THOC1: variants seen among roughly 807,000 people sequenced by gnomAD.
The protein encoded by THOC1 is THO complex subunit 1, also known as THO complex 1.
In THOC1, 29 loss-of-function variants were observed where a neutral mutation model predicts 97.3. The observed-to-expected ratio is 0.30, with a 90% CI of 0.22 to 0.41. The LOEUF is 0.41. Ranked by LOEUF, THOC1 falls within the 10% of genes least tolerant of loss-of-function variation. THOC1 has a pLI of 1.00. For missense variants in THOC1, 529 were observed against 761.9 expected (o/e 0.69, Z 3.60); for synonymous variants, 255 against 257.0 (o/e 0.99, Z 0.07).
intron 11 of THOC1, chr18:244,985 A>C (rs1326368983): frequency 6.6e-6 from 1 of 152,028 alleles, no homozygotes; most frequent in Non-Finnish European, 1.5e-5. Flanking sequence ...TTTGGTTTCA[A>C]TTATTGTATT....
In THOC1 at chr18:246,426, C is replaced by T; in HGVS notation, c.816G>A (p.Lys272=). ...KYSEEVLAVF[K]SYKLDDTQAS... ...CCTGAGTATCATCTAATTTATAACTCTTAAAAACAGCTAAAACTTCTTCAG... is the reference window on the plus strand; with the variant it reads ...CCTGAGTATCATCTAATTTATAACTTTTAAAAACAGCTAAAACTTCTTCAG... The change falls in exon 11 of 21, where the codon AAG becomes AAA. Residue 272 remains lysine (K), a synonymous_variant. Transcript: ENST00000261600. The T allele has an allele frequency of 6.3e-7, 1 of 1,578,916 alleles. No homozygotes were observed. Among genetic ancestry groups the T allele is most frequent in the South Asian group, 1.1e-5 (1 of 87,776 alleles).
chr18:249,683 C>T (rs1057283595), intron 9 of THOC1, among the ~76,000 whole-genome samples: 6 of 146,776 alleles, frequency 4.1e-5, no homozygotes, highest in East Asian at 1.9e-4. Flanking sequence ...AAAAAAAAGC[C>T]GCAAAAAGAA....
chr18:240,736 A>G (rs1448463070), intron 11 of THOC1, among the ~76,000 whole-genome samples: 2 of 152,178 alleles, frequency 1.3e-5, no homozygotes, highest in South Asian at 4.1e-4. Flanking sequence ...TGGTTTTGGG[A>G]TGATTCAAGT....
intron 11 of THOC1, among the ~76,000 whole-genome samples, chr18:233,415 T>C (rs1911561375): frequency 6.6e-6 from 1 of 152,004 alleles, no homozygotes; most frequent in African/African-American, 2.4e-5. Context: ...GGAGAAACCT[T>C]GTCTCTATTA....
At chr18:223,121 C>G (rs1017980901) in intron 17 of THOC1, among the ~76,000 whole-genome samples, 2 of 152,128 alleles carry the variant, frequency 1.3e-5, no homozygotes, top group Non-Finnish European at 2.9e-5. Context: ...ACTTTTGTGA[C>G]TATTAAAACC....
chr18:260,954 C>A (rs545285869), intron 4 of THOC1: 1 of 152,208 alleles, frequency 6.6e-6, no homozygotes, highest in African/African-American at 2.4e-5. Context: ...TGAATGGTAG[C>A]TTTTAAAAGT....
rs187524729 is a variant in THOC1 at position 242,214 on chromosome 18, C to T, written c.918+4110G>A. On this transcript the variant is annotated intron_variant, in intron 11 of 20. Transcript: ENST00000261600. This position sits in a 1 kb window ranked among gnomAD's most constrained non-coding sequence, Gnocchi z 4.5. Reference sequence around the variant, plus strand: ...TCATCTGGCTGGGCGTGGTGGCTCACGCCTGTAATCCCTGCACTTTGGAAG... The same window carrying T: ...TCATCTGGCTGGGCGTGGTGGCTCATGCCTGTAATCCCTGCACTTTGGAAG... 4.6e-3 allele frequency among the ~76,000 whole-genome samples: 691 copies of T among 151,724 alleles called. 6 individuals are homozygous for T. Among genetic ancestry groups the T allele is most frequent in the Non-Finnish European group, 7.6e-3 (515 of 68,024 alleles).
At chr18:225,183 A>G (rs1041309321) in intron 13 of THOC1, 44 bp from the exon 14 acceptor site, 30 of 1,543,882 alleles carry the variant, frequency 1.9e-5, no homozygotes, top group Non-Finnish European at 2.6e-5. Context: ...AACTTTCTGC[A>G]TCATAGGAGT....
chr18:224,160 T>G lies in THOC1; in HGVS notation c.1228A>C (p.Thr410Pro). 1 of 1,609,812 alleles carries G rather than the reference T, an allele frequency of 6.2e-7. No homozygotes were observed. Among genetic ancestry groups the G allele is most frequent in the Non-Finnish European group, 8.5e-7 (1 of 1,177,776 alleles). The change falls in exon 16 of 21, where the codon ACG (threonine) becomes CCG (proline). Residue 410 changes from threonine to proline, a missense_variant. By Grantham distance (38) the Thr-to-Pro change is conservative. This residue lies in a region of THOC1 where 123 missense variants were observed against 159.0 expected (regional missense o/e 0.77). Transcript: ENST00000261600. ...GCTGTTCTCTTCCGAATTATTCTCG[T>G]AGGTTTGGTATCTGATGTTCTGTCG... ...VKERTSDTKPTRIIRKRTAPE... is the reference protein window; with the variant it reads ...VKERTSDTKPPRIIRKRTAPE...
At chr18:247,554 A>G (rs887848890) in intron 10 of THOC1, among the ~76,000 whole-genome samples, 1 of 152,198 alleles carries the variant, frequency 6.6e-6, no homozygotes, top group African/African-American at 2.4e-5. Flanking sequence ...AGCTAAAATA[A>G]TTTTGTACAA....
chr18:222,547 G>C (rs752935940), intron 17 of THOC1, among the ~76,000 whole-genome samples: 1 of 152,142 alleles, frequency 6.6e-6, no homozygotes, highest in Non-Finnish European at 1.5e-5. Context: ...TGGACATAGG[G>C]AAAGTAAGAA....
chr18:262,408 C>A (rs1428786947), intron 4 of THOC1, among the ~76,000 whole-genome samples: 3 of 152,102 alleles, frequency 2.0e-5, no homozygotes, highest in African/African-American at 7.2e-5. Context: ...GTCACATAAC[C>A]AATTATAGTC....
At chr18:244,085 G>A (rs973780081) in intron 11 of THOC1, among the ~76,000 whole-genome samples, 3 of 151,926 alleles carry the variant, frequency 2.0e-5, no homozygotes, top group Non-Finnish European at 4.4e-5. Flanking sequence ...GGAATATTCA[G>A]TATTCCTTTC....
chr18:251,602 A>G (rs1327474360), intron 9 of THOC1, among the ~76,000 whole-genome samples: 2 of 152,136 alleles, frequency 1.3e-5, no homozygotes, highest in East Asian at 1.9e-4. Flanking sequence ...GCCACGGTCT[A>G]TGTAGAGTTT....
At chr18:222,744 T>TC (rs1181647607) in intron 17 of THOC1, among the ~76,000 whole-genome samples, 5 of 152,288 alleles carry the variant, frequency 3.3e-5, no homozygotes, top group African/African-American at 1.2e-4. Context: ...GTTCTTGAAG[T>TC]CAACTGTTAG....
chr18:259,399 G>T, intron 6 of THOC1, 124 bp from the exon 7 acceptor site: 2 of 812,604 alleles, frequency 2.5e-6, no homozygotes, highest in Non-Finnish European at 3.7e-6. Context: ...TCTTAAATTG[G>T]GGGCCGAAAC....
chr18:228,054 G>A (rs1042300285), intron 11 of THOC1, among the ~76,000 whole-genome samples: 3 of 152,122 alleles, frequency 2.0e-5, no homozygotes, highest in Non-Finnish European at 4.4e-5. Context: ...AATTGGAAAT[G>A]TGAATGGCCG....
intron 5 of THOC1, 111 bp downstream of exon 5, chr18:260,075 C>A: frequency 1.5e-6 from 1 of 663,296 alleles, no homozygotes; most frequent in Non-Finnish European, 2.3e-6. Context: ...TAGGCAGAAA[C>A]TTGTTGGCAT....
intron 11 of THOC1, among the ~76,000 whole-genome samples, chr18:238,451 C>G (rs1320202941): frequency 2.0e-5 from 3 of 152,112 alleles, no homozygotes; most frequent in Admixed American, 1.3e-4. Flanking sequence ...AGGCAATTTC[C>G]CCATTGTGTG....
Sources: gnomAD v4.1 joint callset for allele counts (sites outside exome capture counted in the v4.1 genomes callset) on GRCh38, gnomAD v4.1.1 for gene constraint, gnomAD v4.1.1 regional missense constraint, Gnocchi (gnomAD v3.1) non-coding constraint, MANE v1.5 for transcripts, NCBI Gene and HGNC (gene_info 2026-07-23, HGNC 2026-07-21) for gene names.